CREG2: variants seen among roughly 807,000 people sequenced by gnomAD.
CREG2 encodes protein CREG2.
In CREG2, 24 loss-of-function variants were observed where a neutral mutation model predicts 26.2. The observed-to-expected ratio is 0.92, with a 90% CI of 0.66 to 1.29. The LOEUF (loss-of-function observed/expected upper bound fraction) is 1.29. CREG2 is among the 50% of genes most tolerant of loss of function. CREG2 has a pLI of 0.00. For synonymous variants in CREG2, 174 were observed against 169.2 expected (o/e 1.03, Z -0.22); for missense variants, 366 against 398.6 (o/e 0.92, Z 0.70).
chr2:101,363,694 G>A (rs1418104465), intron 2 of CREG2, among the ~76,000 whole-genome samples: 1 of 152,028 alleles, frequency 6.6e-6, no homozygotes, highest in Non-Finnish European at 1.5e-5. Context: ...TTATAATATA[G>A]AGAAAATTGG....
At chr2:101,378,985 G>A (rs1433707511) in intron 2 of CREG2, among the ~76,000 whole-genome samples, 2 of 150,678 alleles carry the variant, frequency 1.3e-5, no homozygotes, top group Non-Finnish European at 2.9e-5. Flanking sequence ...TAGCCTGGGC[G>A]ACAGAGTGAG....
At chr2:101,355,829 C>T (rs1558813926) in intron 2 of CREG2, among the ~76,000 whole-genome samples, 1 of 152,038 alleles carries the variant, frequency 6.6e-6, no homozygotes, top group Non-Finnish European at 1.5e-5. Context: ...TACCAAGTTG[C>T]CCACAAACTC....
chr2:101,371,865 A>C (rs577058763), intron 2 of CREG2, among the ~76,000 whole-genome samples: 48 of 152,330 alleles, frequency 3.2e-4, no homozygotes, highest in Non-Finnish European at 5.6e-4. Flanking sequence ...CTGAGTCACA[A>C]GAGAGGAAGA....
chr2:101,378,903 C>T (rs758969709), intron 2 of CREG2, among the ~76,000 whole-genome samples: 16 of 151,788 alleles, frequency 1.1e-4, no homozygotes, highest in Middle Eastern at 6.8e-3. Context: ...CTATTCAGGA[C>T]GCTGAGGCAG....
chr2:101,366,797 G>T (rs1684624291), intron 2 of CREG2, among the ~76,000 whole-genome samples: 1 of 152,030 alleles, frequency 6.6e-6, no homozygotes, highest in South Asian at 2.1e-4. Flanking sequence ...ATTCCAGCCT[G>T]GGCGACAGAG....
intron 3 of CREG2, among the ~76,000 whole-genome samples, chr2:101,352,322 T>C (rs1021512004): frequency 3.9e-5 from 6 of 152,258 alleles, no homozygotes; most frequent in Non-Finnish European, 8.8e-5. Context: ...ACCCCAAATA[T>C]TATGCAGCCA....
In CREG2 at chr2:101,350,622, C is replaced by T; in HGVS notation, c.*301G>A. ...CCTTAAACAATGAAACAACAATGAT[C>T]TCAACATGTCATTTTGACCACCAGC... On this transcript the variant is annotated 3_prime_UTR_variant, in exon 4 of 4. Transcript: ENST00000324768. The T allele has an allele frequency of 4.0e-6, 1 of 250,982 alleles. No homozygotes were observed. Among genetic ancestry groups the T allele is most frequent in the Non-Finnish European group, 7.5e-6 (1 of 132,634 alleles). 15.5% of individuals were successfully genotyped at this position (250,982 alleles called of 1,614,324 possible).
rs1370973182 is a variant in CREG2, at chr2:101,347,795, CT to C, written c.*3127del. The C allele has an allele frequency of 6.6e-6, 1 of 152,098 alleles. No homozygotes were observed. The highest frequency in any genetic ancestry group is 1.5e-5 in the Non-Finnish European group (1 of 68,016). The allele number at this position is 152,098 out of a possible 1,614,324, so 9.4% of individuals were successfully genotyped here. A position where few individuals can be genotyped will look rare whatever the true frequency, so the allele number is the denominator to read the frequency against. On this transcript the variant is annotated 3_prime_UTR_variant, in exon 4 of 4. Transcript: ENST00000324768. ...TGTCTTCTCGGCCTTTTAACATGGT[CT>C]TTTGCAGAACAAATGTTTTAAATTC...
Position 101,350,949 on chromosome 2 carries a change from A to G in CREG2, c.847T>C (p.Phe283Leu), listed in dbSNP as rs559982042. 1.2e-6 allele frequency: 2 copies of G among 1,614,222 alleles called. No homozygotes were observed. The highest frequency in any genetic ancestry group is 2.7e-5 in the African/African-American group (2 of 75,062). Reference sequence around the variant, plus strand: ...CAGGCCTTTCTGGGAACTGCTTTGAAATATTCCTCCCTTGAAATACTGGAT... The same window carrying G: ...CAGGCCTTTCTGGGAACTGCTTTGAGATATTCCTCCCTTGAAATACTGGAT... ...GASSISREEY[F>L]KAVPRKA The change falls in exon 4 of 4, where the codon TTC becomes CTC. Residue 283 changes from phenylalanine (F) to leucine (L), a missense_variant. Coordinates refer to ENST00000324768, the MANE Select transcript of CREG2 (RefSeq NM_153836.4).
chr2:101,346,575 A>G lies in CREG2; in HGVS notation c.*4348T>C, dbSNP rs1684309738. On this transcript the variant is annotated 3_prime_UTR_variant, in exon 4 of 4. Coordinates refer to ENST00000324768, the MANE Select transcript of CREG2 (RefSeq NM_153836.4). Reference sequence around the variant, plus strand: ...TTAGGAAAATTTTAAAGAATTTTACACCTCTTCTGCAAATGGATATATTAA... The same window carrying G: ...TTAGGAAAATTTTAAAGAATTTTACGCCTCTTCTGCAAATGGATATATTAA... The G allele has an allele frequency of 6.6e-6, 1 of 152,180 alleles. No homozygotes were observed. The highest frequency in any genetic ancestry group is 1.9e-4 in the East Asian group (1 of 5,198). 9.4% of individuals were successfully genotyped at this position (152,180 alleles called of 1,614,324 possible). A position where few individuals can be genotyped will look rare whatever the true frequency, so the allele number is the denominator to read the frequency against.
Position 101,358,801 on chromosome 2 carries a change from C to T in CREG2, c.612-3435G>A, listed in dbSNP as rs1322824426. On this transcript the variant is annotated intron_variant, in intron 2 of 3. Coordinates refer to ENST00000324768, the MANE Select transcript of CREG2 (RefSeq NM_153836.4). ...CTGTAATCCCAGCACTTTGGGAGGC[C>T]GAGGCGGGCGGATCACGAGGTCAGG... Among the ~76,000 whole-genome samples, 25 of 19,556 alleles carry T rather than the reference C, an allele frequency of 1.3e-3. 8 individuals are homozygous for T. The highest frequency in any genetic ancestry group is 2.0e-3 in the Admixed American group (3 of 1,526). The allele number at this position is 19,556 out of a possible 152,430, so 12.8% of individuals were successfully genotyped here. A position where few individuals can be genotyped will look rare whatever the true frequency, so the allele number is the denominator to read the frequency against.
Position 101,387,265 on chromosome 2 carries a change from C to T in CREG2, c.193G>A (p.Asp65Asn), listed in dbSNP as rs1684989162. 2 of 1,473,576 alleles carry T rather than the reference C, an allele frequency of 1.4e-6. No individual in the cohort carries two copies. Among genetic ancestry groups the T allele is most frequent in the Non-Finnish European group, 1.8e-6 (2 of 1,103,994 alleles). The allele number at this position is 1,473,576 out of a possible 1,614,324, so 91.3% of individuals were successfully genotyped here. A position where few individuals can be genotyped will look rare whatever the true frequency, so the allele number is the denominator to read the frequency against. The change falls in exon 1 of 4, where the codon GAT becomes AAT. Residue 65 changes from aspartate to asparagine, a missense_variant. Asp to Asn is a conservative substitution (Grantham distance 23). This residue lies in a region of CREG2 where 177 missense variants were observed against 183.3 expected (regional missense o/e 0.97). Coordinates refer to ENST00000324768, the MANE Select transcript of CREG2 (RefSeq NM_153836.4). The surrounding 1 kb of genome is among the most constrained non-coding windows in gnomAD (Gnocchi z 4.7). The part of the protein sequence containing the change: ...TEEAMPALLE[D>N]SGSIWQQSFP... ...CTTTGCTGCCAGATGCTGCCCGAAT[C>T]CTCTAGCAGCGCGGGCATAGCCTCC...
intron 2 of CREG2, among the ~76,000 whole-genome samples, chr2:101,360,043 G>A (rs1406024953): frequency 6.6e-6 from 1 of 152,172 alleles, no homozygotes; most frequent in Non-Finnish European, 1.5e-5. Flanking sequence ...CCCAGGTGCA[G>A]AATAAAGACA....
chr2:101,375,642 C>T (rs1241118579), intron 2 of CREG2: 13 of 203,506 alleles, frequency 6.4e-5, no homozygotes, highest in Non-Finnish European at 1.0e-4. Context: ...TCTGCTTCTC[C>T]AAACTCCAGT....
chr2:101,356,751 A>G (rs1170083908), intron 2 of CREG2, among the ~76,000 whole-genome samples: 2 of 152,212 alleles, frequency 1.3e-5, no homozygotes, highest in Admixed American at 1.3e-4. Context: ...AGCAAAAAGC[A>G]TATTAGAAAT....
rs1322700207 is a variant in CREG2 at position 101,351,008 on chromosome 2, T to C, written c.788A>G (p.Glu263Gly). Reference protein sequence around the residue: ...YEWFFMKMRIEHIWLQKWYGG... With the variant: ...YEWFFMKMRIGHIWLQKWYGG... ...ATACCATTTCTGAAGCCAGATATGTTCTATCCTCATCTTCATAAAGAACCA... is the reference window on the plus strand; with the variant it reads ...ATACCATTTCTGAAGCCAGATATGTCCTATCCTCATCTTCATAAAGAACCA... The change falls in exon 4 of 4, where the codon GAA becomes GGA. Residue 263 changes from glutamate to glycine, a missense_variant. By Grantham distance (98) the Glu-to-Gly change is moderately conservative (BLOSUM62 -2). Transcript: ENST00000324768. 7 of 1,614,180 alleles carry C rather than the reference T, an allele frequency of 4.3e-6. No homozygotes were observed. The East Asian group carries it at 1.6e-4, about 36-fold the overall frequency.
chr2:101,355,196 C>A, intron 3 of CREG2, 57 bp downstream of exon 3: 1 of 1,153,296 alleles, frequency 8.7e-7, no homozygotes, highest in East Asian at 2.4e-5. Flanking sequence ...ACAGCCTGAC[C>A]TCTGCTTATT....
Position 101,346,191 on chromosome 2 carries a change from C to T in CREG2, c.*4732G>A, listed in dbSNP as rs1359789412. ...CTCTCTTATAAACAGCTAATATATA[C>T]AAGGCATATTGAAATAAGTAACATC... On this transcript the variant is annotated 3_prime_UTR_variant, in exon 4 of 4. Transcript: ENST00000324768. 1 of 152,076 alleles carries T rather than the reference C, an allele frequency of 6.6e-6. No homozygotes were observed. Among genetic ancestry groups the T allele is most frequent in the Non-Finnish European group, 1.5e-5 (1 of 68,022 alleles). 9.4% of individuals were successfully genotyped at this position (152,076 alleles called of 1,614,324 possible). A position where few individuals can be genotyped will look rare whatever the true frequency, so the allele number is the denominator to read the frequency against.
At chr2:101,351,234 G>A (rs1573299064) in intron 3 of CREG2, among the ~76,000 whole-genome samples, 164 bp from the exon 4 acceptor site, 1 of 152,184 alleles carries the variant, frequency 6.6e-6, no homozygotes, top group African/African-American at 2.4e-5. Flanking sequence ...TGGGACCACC[G>A]TAGGAAGCCA....
Sources: allele counts gnomAD v4.1 joint callset (sites outside exome capture counted in the v4.1 genomes callset), GRCh38; gene constraint gnomAD v4.1.1; regional missense constraint gnomAD v4.1.1; non-coding constraint Gnocchi (gnomAD v3.1); transcripts MANE v1.5; gene names NCBI Gene and HGNC (gene_info 2026-07-23, HGNC 2026-07-21).